MAVS: variants seen among roughly 807,000 people sequenced by gnomAD.
The protein encoded by MAVS is mitochondrial antiviral signaling protein.
MAVS carries 20 observed loss-of-function variants against 30.2 expected under a neutral mutation model. That is an observed-to-expected ratio of 0.66 (90% CI 0.47 to 0.96). The LOEUF is 0.96. Among genes scored for constraint, MAVS ranks in the 40% least tolerant of loss-of-function variants. The pLI, the probability that MAVS is intolerant of heterozygous loss-of-function variation, is 0.00. For synonymous variants in MAVS, 278 were observed against 293.9 expected, an observed-to-expected ratio of 0.95 and a Z score of 0.55; for missense variants, 624 against 701.1, an observed-to-expected ratio of 0.89 and a Z score of 1.24.
At position 3,870,246 on chromosome 20, in the gene MAVS, G is replaced by A. The variant is rs1342158110; in HGVS notation, c.*4099G>A. 6.6e-6 allele frequency: 1 copy of A among 152,404 alleles called. No individual in the cohort carries two copies. The highest frequency in any genetic ancestry group is 1.5e-5 in the Non-Finnish European group (1 of 68,104). 9.4% of individuals were successfully genotyped at this position (152,404 alleles called of 1,614,324 possible). ...CGTACTTCACCTTGGGGTGAAGGCT[G>A]GGTGGGGCCAGAGGGACCAGTGCCC... On this transcript the variant is annotated 3_prime_UTR_variant, in exon 7 of 7. Transcript: ENST00000428216.
chr20:3,874,341 T>C lies in MAVS; in HGVS notation c.*8194T>C, dbSNP rs571725783. On this transcript the variant is annotated 3_prime_UTR_variant, in exon 7 of 7. Transcript: ENST00000428216. ...CATCTGGGTGTTGATTTCACGAGTA[T>C]TGTCAGTTTGTTTCCAGACTCCCTG... 67 of 397,678 alleles carry C rather than the reference T, an allele frequency of 1.7e-4. No homozygotes were observed. Among genetic ancestry groups the C allele is most frequent in the African/African-American group, 1.3e-3 (65 of 48,724 alleles). 24.6% of individuals were successfully genotyped at this position (397,678 alleles called of 1,614,324 possible). A position where few individuals can be genotyped will look rare whatever the true frequency, so the allele number is the denominator to read the frequency against.
rs1397600745 is a variant in MAVS at position 3,873,271 on chromosome 20, G to A, written c.*7124G>A. The A allele has an allele frequency of 1.3e-4, 20 of 152,110 alleles. No homozygotes were observed. Among genetic ancestry groups the A allele is most frequent in the Admixed American group, 3.9e-4 (6 of 15,246 alleles). The allele number at this position is 152,110 out of a possible 1,614,324, so 9.4% of individuals were successfully genotyped here. A position where few individuals can be genotyped will look rare whatever the true frequency, so the allele number is the denominator to read the frequency against. ...TTTGGGGCTGGGTATGGTGGCTCAT[G>A]ACTGTAATCCCAGCACTTTGGGATG... On this transcript the variant is annotated 3_prime_UTR_variant, in exon 7 of 7. Transcript: ENST00000428216.
At chr20:3,854,444 AATTAAAGATG>A in intron 1 of MAVS, 104 bp from the exon 2 acceptor site, 1 of 392,480 alleles carries the variant, frequency 2.5e-6, no homozygotes, top group Non-Finnish European at 4.5e-6. Flanking sequence ...AAAAAGAAGA[AATTAAAGATG>A]AAAGAAAACA....
intron 3 of MAVS, among the ~76,000 whole-genome samples, chr20:3,858,581 CTT>C (rs1459853294): frequency 6.7e-6 from 1 of 149,896 alleles, no homozygotes; most frequent in Non-Finnish European, 1.5e-5. Context: ...AGGAGAATCA[CTT>C]GAACCAGGGA....
intron 1 of MAVS, among the ~76,000 whole-genome samples, chr20:3,853,295 G>A (rs1038731035): frequency 2.0e-5 from 3 of 150,424 alleles, no homozygotes; most frequent in Admixed American, 6.6e-5. Flanking sequence ...GACCATCCTG[G>A]CTAACCCCGT....
At position 3,862,153 on chromosome 20, in the gene MAVS, G is replaced by C; in HGVS notation, c.466-101G>C. 3.7e-6 allele frequency: 5 copies of C among 1,354,612 alleles called. No individual in the cohort carries two copies. In the South Asian group the frequency reaches 5.7e-5, roughly 15 times the overall value. 83.9% of individuals were successfully genotyped at this position (1,354,612 alleles called of 1,614,324 possible). A position where few individuals can be genotyped will look rare whatever the true frequency, so the allele number is the denominator to read the frequency against. ...GCTCCCCTGGCTCCTGTGCTCCATGGTGTGGGCTGAGGCCTATAGGAGATG... is the reference window on the plus strand; with the variant it reads ...GCTCCCCTGGCTCCTGTGCTCCATGCTGTGGGCTGAGGCCTATAGGAGATG... On this transcript the variant is annotated intron_variant, in intron 4 of 6. Coordinates refer to ENST00000428216, the MANE Select transcript of MAVS (RefSeq NM_020746.5).
At chr20:3,853,166 C>A (rs2089776467) in intron 1 of MAVS, among the ~76,000 whole-genome samples, 1 of 142,174 alleles carries the variant, frequency 7.0e-6, no homozygotes, top group African/African-American at 2.5e-5. Context: ...GAGACTCAGG[C>A]AGTAATAAAA....
intron 2 of MAVS, among the ~76,000 whole-genome samples, chr20:3,856,320 C>T (rs1205143085): frequency 6.8e-6 from 1 of 147,902 alleles, no homozygotes; most frequent in Non-Finnish European, 1.5e-5. Flanking sequence ...TCCCAAAGTG[C>T]TGGGATTACA....
chr20:3,865,943 C>T lies in MAVS; in HGVS notation c.1419C>T (p.Asn473=), dbSNP rs747683296. The T allele has an allele frequency of 1.2e-6, 2 of 1,613,734 alleles. No individual in the cohort carries two copies. Among genetic ancestry groups the T allele is most frequent in the Non-Finnish European group, 1.7e-6 (2 of 1,179,920 alleles). ...CCTTTGGGATCCACGTGGCTGAGAACCCCAGCATCCAGCTCCTGGAGGGCA... is the reference window on the plus strand; with the variant it reads ...CCTTTGGGATCCACGTGGCTGAGAATCCCAGCATCCAGCTCCTGGAGGGCA... ...EGTFGIHVAE[N]PSIQLLEGNP... The change falls in exon 7 of 7, where the codon AAC becomes AAT. Residue 473 remains asparagine, a synonymous_variant. Transcript: ENST00000428216. This position sits in a 1 kb window ranked among gnomAD's most constrained non-coding sequence, Gnocchi z 4.7.
In MAVS at chr20:3,875,855, T is replaced by C. The variant is rs1235422992; in HGVS notation, c.*9708T>C. The C allele has an allele frequency of 6.6e-6, 1 of 152,440 alleles. No individual in the cohort carries two copies. Among genetic ancestry groups the C allele is most frequent in the East Asian group, 1.9e-4 (1 of 5,336 alleles). The allele number at this position is 152,440 out of a possible 1,614,324, so 9.4% of individuals were successfully genotyped here. On this transcript the variant is annotated 3_prime_UTR_variant, in exon 7 of 7. Transcript: ENST00000428216. ...ATTCCCACACCATCTGAATCACTGATTTCCTCGCAATCAGACGCTATCTTC... is the reference window on the plus strand; with the variant it reads ...ATTCCCACACCATCTGAATCACTGACTTCCTCGCAATCAGACGCTATCTTC...
chr20:3,862,009 A>T lies in MAVS; in HGVS notation c.466-245A>T, dbSNP rs112945427. The stretch of plus-strand genomic sequence containing the variant: ...GGTGATCTGCCCACCTTTGCCTCCC[A>T]AAGTGCTGGGATTACAGGCGTGAGC... On this transcript the variant is annotated intron_variant, in intron 4 of 6. Coordinates refer to ENST00000428216, the MANE Select transcript of MAVS (RefSeq NM_020746.5). Among the ~76,000 whole-genome samples, 128 of 152,226 alleles carry T rather than the reference A, an allele frequency of 8.4e-4. 4 individuals are homozygous for T. The highest frequency in any genetic ancestry group is 2.9e-3 in the African/African-American group (122 of 41,542).
chr20:3,866,929 C>G lies in MAVS; in HGVS notation c.*782C>G, dbSNP rs1352895490. On this transcript the variant is annotated 3_prime_UTR_variant, in exon 7 of 7. Coordinates refer to ENST00000428216, the MANE Select transcript of MAVS (RefSeq NM_020746.5). ...GGTTTGGATTTCAGCTCCCTCACTT[C>G]CGGGGCTGTGTGGCTTTGGCAGATG... 1.3e-5 allele frequency: 6 copies of G among 456,872 alleles called. No homozygotes were observed. The highest frequency in any genetic ancestry group is 1.3e-5 in the Non-Finnish European group (3 of 226,988). 28.3% of individuals were successfully genotyped at this position (456,872 alleles called of 1,614,324 possible).
chr20:3,862,671 G>A (rs2089875847), intron 5 of MAVS, among the ~76,000 whole-genome samples: 1 of 152,158 alleles, frequency 6.6e-6, no homozygotes, highest in Non-Finnish European at 1.5e-5. Flanking sequence ...CTGTGGGTCA[G>A]GCATTTGGGC....
chr20:3,851,952 T>C (rs1294160695), intron 1 of MAVS, among the ~76,000 whole-genome samples: 2 of 149,524 alleles, frequency 1.3e-5, no homozygotes, highest in Non-Finnish European at 2.9e-5. Context: ...TCTGGAACTC[T>C]GTCTCAAAAA....
At chr20:3,858,734 AC>A (rs911746935) in intron 3 of MAVS, among the ~76,000 whole-genome samples, 2 of 150,104 alleles carry the variant, frequency 1.3e-5, no homozygotes, top group Admixed American at 1.3e-4. Flanking sequence ...ACTAGAGGTA[AC>A]CCCCGAGACC....
Position 3,875,475 on chromosome 20 carries a change from T to TTA in MAVS, c.*9328_*9329insTA, listed in dbSNP as rs1555782189. The TTA allele has an allele frequency of 1.4e-5, 2 of 145,730 alleles. No homozygotes were observed. The highest frequency in any genetic ancestry group is 2.2e-4 in the South Asian group (1 of 4,636). 9.0% of individuals were successfully genotyped at this position (145,730 alleles called of 1,614,324 possible). ...CTACTTCTTCAGTGCTGTTTTTATT[T>TTA]AAAAAAAAAAAAAACCAGCCAAAAC... On this transcript the variant is annotated 3_prime_UTR_variant, in exon 7 of 7. Transcript: ENST00000428216.
rs1311596064 is a variant in MAVS, at chr20:3,866,825, C to T, written c.*678C>T. 4.4e-6 allele frequency: 2 copies of T among 451,128 alleles called. No homozygotes were observed. The highest frequency in any genetic ancestry group is 3.3e-4 in the Middle Eastern group (1 of 3,042). The allele number at this position is 451,128 out of a possible 1,614,324, so 27.9% of individuals were successfully genotyped here. ...GAGCTCCTCTCCAGCCTCCTCTTTC[C>T]CTCCCCTCTGGTCTCCATTCTCTTC... On this transcript the variant is annotated 3_prime_UTR_variant, in exon 7 of 7. Coordinates refer to ENST00000428216, the MANE Select transcript of MAVS (RefSeq NM_020746.5).
intron 6 of MAVS, among the ~76,000 whole-genome samples, 163 bp downstream of exon 6, chr20:3,864,951 A>T (rs887581711): frequency 6.6e-6 from 1 of 152,224 alleles, no homozygotes; most frequent in African/African-American, 2.4e-5. Flanking sequence ...AACCAGCCTC[A>T]TGCAGGCCCC....
chr20:3,863,953 G>T (rs1317896870), intron 5 of MAVS, among the ~76,000 whole-genome samples: 2 of 152,148 alleles, frequency 1.3e-5, no homozygotes, highest in Non-Finnish European at 2.9e-5. Context: ...GAGAGGGGAG[G>T]TTTCCCAGGT....
Sources: gnomAD v4.1 joint callset for allele counts (sites outside exome capture counted in the v4.1 genomes callset) on GRCh38, gnomAD v4.1.1 for gene constraint, Gnocchi (gnomAD v3.1) non-coding constraint, MANE v1.5 for transcripts, NCBI Gene and HGNC (gene_info 2026-07-23, HGNC 2026-07-21) for gene names.